RIT2: variants seen among roughly 807,000 people sequenced by gnomAD.
The protein encoded by RIT2 is Ras like without CAAX 2.
In RIT2, 24 loss-of-function variants were observed where a neutral mutation model predicts 23.7. That is an observed-to-expected ratio of 1.01 (90% CI 0.73 to 1.43). The LOEUF (loss-of-function observed/expected upper bound fraction) is 1.43. Among genes scored for constraint, RIT2 ranks in the 40% most tolerant of loss-of-function variants. RIT2 has a pLI of 0.00. For synonymous variants in RIT2, 107 were observed against 91.1 expected (o/e 1.17, Z -0.99); for missense variants, 236 against 266.9 (o/e 0.88, Z 0.81).
chr18:42,999,945 A>G (rs535878394), intron 2 of RIT2, among the ~76,000 whole-genome samples: 1 of 152,186 alleles, frequency 6.6e-6, no homozygotes, highest in South Asian at 2.1e-4. Flanking sequence ...ATTAGATTGT[A>G]AGGGAATATG....
At chr18:42,911,384 T>G (rs1304248488) in intron 4 of RIT2, among the ~76,000 whole-genome samples, 1 of 151,844 alleles carries the variant, frequency 6.6e-6, no homozygotes, top group Non-Finnish European at 1.5e-5. Flanking sequence ...TAAAAGCCAA[T>G]TCATCTAAAA....
At chr18:43,060,879 G>A (rs775420033) in intron 1 of RIT2, among the ~76,000 whole-genome samples, 5 of 151,980 alleles carry the variant, frequency 3.3e-5, no homozygotes, top group Admixed American at 6.6e-5. Flanking sequence ...GGAAAGCATC[G>A]TTATCCCTAC....
intron 4 of RIT2, among the ~76,000 whole-genome samples, chr18:42,901,671 T>C (rs939701713): frequency 1.3e-5 from 2 of 152,026 alleles, no homozygotes; most frequent in African/African-American, 4.8e-5. Context: ...TTTTTAAAAG[T>C]CCAATGCATG....
At chr18:42,918,969 T>C (rs565854616) in intron 4 of RIT2, among the ~76,000 whole-genome samples, 1 of 152,280 alleles carries the variant, frequency 6.6e-6, no homozygotes, top group South Asian at 2.1e-4. Context: ...TCAAAAAGCA[T>C]TGCACCTATG....
intron 4 of RIT2, among the ~76,000 whole-genome samples, chr18:42,789,124 A>G (rs1481401025): frequency 6.6e-6 from 1 of 152,196 alleles, no homozygotes; most frequent in African/African-American, 2.4e-5. Flanking sequence ...AATGCCCGCT[A>G]GTAGAATTGG....
At chr18:42,831,950 A>T (rs1906470878) in intron 4 of RIT2, among the ~76,000 whole-genome samples, 1 of 152,166 alleles carries the variant, frequency 6.6e-6, no homozygotes, top group African/African-American at 2.4e-5. Flanking sequence ...GTTACTTGGA[A>T]GATCAAACTT....
At chr18:42,743,761 A>C in intron 4 of RIT2, 41 bp from the exon 5 acceptor site, 1 of 1,421,688 alleles carries the variant, frequency 7.0e-7, no homozygotes. Flanking sequence ...CAGAAAGAGA[A>C]AGACTCTTCA....
intron 4 of RIT2, among the ~76,000 whole-genome samples, chr18:42,745,772 G>T (rs1179317474): frequency 1.3e-5 from 2 of 152,108 alleles, no homozygotes; most frequent in African/African-American, 4.8e-5. Context: ...CAAATGGTAT[G>T]ACACTGTATA....
chr18:42,743,862 C>T, intron 4 of RIT2, 142 bp from the exon 5 acceptor site: 1 of 627,946 alleles, frequency 1.6e-6, no homozygotes, highest in Non-Finnish European at 2.7e-6. Flanking sequence ...GGTATACGCC[C>T]AGATGGCCTG....
At chr18:43,091,120 A>C (rs1913413274) in intron 1 of RIT2, among the ~76,000 whole-genome samples, 1 of 151,920 alleles carries the variant, frequency 6.6e-6, no homozygotes, top group African/African-American at 2.4e-5. Flanking sequence ...TTTTAAAGTA[A>C]ATAAACAGAA....
intron 4 of RIT2, among the ~76,000 whole-genome samples, chr18:42,772,238 C>A (rs1598647664): frequency 6.6e-6 from 1 of 152,232 alleles, no homozygotes; most frequent in Admixed American, 6.5e-5. Context: ...TTCAGAATTT[C>A]TCCTTGAAAG....
At chr18:43,109,914 AC>A (rs1913914503) in intron 1 of RIT2, among the ~76,000 whole-genome samples, 2 of 152,262 alleles carry the variant, frequency 1.3e-5, no homozygotes, top group South Asian at 2.1e-4. Flanking sequence ...GACATTGGGA[AC>A]CTTTTTCTGC....
At chr18:42,908,736 A>T (rs116362464) in intron 4 of RIT2, among the ~76,000 whole-genome samples, 1,551 of 152,192 alleles carry the variant, frequency 0.01, 22 homozygotes, top group African/African-American at 0.035. Flanking sequence ...AAATTGAGAG[A>T]ATTTGTTGCT....
Position 42,807,260 on chromosome 18 carries a change from C to T in RIT2, c.427-63540G>A, listed in dbSNP as rs900151719. 2.6e-5 allele frequency among the ~76,000 whole-genome samples: 4 copies of T among 152,120 alleles called. No homozygotes were observed. In the East Asian group the frequency reaches 7.7e-4, roughly 29 times the overall value. On this transcript the variant is annotated intron_variant, in intron 4 of 4. Transcript: ENST00000326695. The stretch of plus-strand genomic sequence containing the variant: ...CTGTTTTCTTGGTGAATAGGTCACT[C>T]ATTTCATACATTTTAAGCAGCCTTG...
intron 4 of RIT2, among the ~76,000 whole-genome samples, chr18:42,814,444 G>A (rs539608197): frequency 3.3e-5 from 5 of 152,202 alleles, no homozygotes; most frequent in Non-Finnish European, 4.4e-5. Context: ...GTGACTGCCG[G>A]CTTTCCCCCA....
intron 1 of RIT2, among the ~76,000 whole-genome samples, chr18:43,108,508 A>G (rs1299175929): frequency 6.6e-6 from 1 of 152,158 alleles, no homozygotes; most frequent in Non-Finnish European, 1.5e-5. Context: ...GCGTGAACGT[A>G]AAGAGCTCAG....
intron 4 of RIT2, among the ~76,000 whole-genome samples, chr18:42,890,523 A>T (rs1908142924): frequency 6.6e-6 from 1 of 151,570 alleles, no homozygotes; most frequent in Non-Finnish European, 1.5e-5. Context: ...AAGAGATGGA[A>T]GGAAGGAGGA....
At chr18:43,099,411 T>C (rs937953469) in intron 1 of RIT2, among the ~76,000 whole-genome samples, 1 of 152,128 alleles carries the variant, frequency 6.6e-6, no homozygotes, top group Non-Finnish European at 1.5e-5. Flanking sequence ...TTTAATCTTG[T>C]ATATATTAAT....
chr18:43,103,239 A>G (rs769467571), intron 1 of RIT2, among the ~76,000 whole-genome samples: 1 of 151,964 alleles, frequency 6.6e-6, no homozygotes, highest in Non-Finnish European at 1.5e-5. Context: ...GCTTAGTTTT[A>G]TTTTACTACA....
Sources: gnomAD v4.1 joint callset for allele counts (sites outside exome capture counted in the v4.1 genomes callset) on GRCh38, gnomAD v4.1.1 for gene constraint, MANE v1.5 for transcripts, NCBI Gene and HGNC (gene_info 2026-07-23, HGNC 2026-07-21) for gene names.